The following OR56A3 variants were observed in gnomAD, a reference collection of about 807,000 sequenced individuals.
OR56A3 encodes the protein olfactory receptor family 56 subfamily A member 3.
In OR56A3, 23 loss-of-function variants were observed where a neutral mutation model predicts 17.5. That is an observed-to-expected ratio of 1.32 (90% CI 0.95 to 1.87). The LOEUF (loss-of-function observed/expected upper bound fraction) is 1.87, where lower values mean the gene tolerates loss of function less well. Ranked by LOEUF, OR56A3 falls within the 40% of genes most tolerant of loss-of-function variation. The pLI is 0.00. For synonymous variants in OR56A3, 175 were observed against 150.6 expected (o/e 1.16, Z -1.19); for missense variants, 366 against 380.1 (o/e 0.96, Z 0.31).
chr11:5,981,960 C>T, the OR56A3 span, among the ~76,000 whole-genome samples: 1 of 151,986 alleles, frequency 6.6e-6, no homozygotes, highest in East Asian at 1.9e-4. Flanking sequence ...GTTGTGTGCT[C>T]TAACCCTGAG....
the OR56A3 span, among the ~76,000 whole-genome samples, chr11:5,961,228 G>C: frequency 8.6e-5 from 13 of 151,962 alleles, no homozygotes; most frequent in African/African-American, 3.1e-4. Flanking sequence ...CCTCTTCCCC[G>C]GCCGCCACCC....
In OR56A3 at chr11:5,948,319, T is replaced by G; in HGVS notation, c.*25T>G. On this transcript the variant is annotated 3_prime_UTR_variant, in exon 3 of 3. Transcript: ENST00000641160. ...ACAAGGACCACTGGATCTCTGAATA[T>G]CTAAAATAAGATAATTTATTAATCA... 6 of 1,482,302 alleles carry G rather than the reference T, an allele frequency of 4.0e-6. No homozygotes were observed. Among genetic ancestry groups the G allele is most frequent in the Non-Finnish European group, 5.6e-6 (6 of 1,069,800 alleles). 91.8% of individuals were successfully genotyped at this position (1,482,302 alleles called of 1,614,324 possible).
chr11:5,991,099 G>A, the OR56A3 span, among the ~76,000 whole-genome samples: 6 of 152,188 alleles, frequency 3.9e-5, no homozygotes, highest in African/African-American at 1.4e-4. Flanking sequence ...ATATCAAAGA[G>A]GACATCAAAT....
chr11:5,995,887 C>T, the OR56A3 span, among the ~76,000 whole-genome samples: 2 of 152,152 alleles, frequency 1.3e-5, no homozygotes, highest in Non-Finnish European at 2.9e-5. Flanking sequence ...ATCTCTCAAT[C>T]CCTCCCTCCC....
chr11:5,990,624 A>T, the OR56A3 span, among the ~76,000 whole-genome samples: 2 of 152,138 alleles, frequency 1.3e-5, no homozygotes, highest in Non-Finnish European at 2.9e-5. Flanking sequence ...AGGGTAAAAA[A>T]GAAGAGGCAA....
At chr11:5,967,946 A>C in the OR56A3 span, 3 of 1,595,320 alleles carry the variant, frequency 1.9e-6, no homozygotes, top group Non-Finnish European at 2.6e-6. Flanking sequence ...CAGACACGTT[A>C]GTACAGATGC....
At chr11:5,990,047 A>G in the OR56A3 span, among the ~76,000 whole-genome samples, 14 of 152,282 alleles carry the variant, frequency 9.2e-5, no homozygotes, top group African/African-American at 3.1e-4. Context: ...TTTCTTTCCT[A>G]TTGTAATGCC....
the OR56A3 span, among the ~76,000 whole-genome samples, chr11:6,017,773 CTGA>C: frequency 6.6e-6 from 1 of 152,184 alleles, no homozygotes; most frequent in South Asian, 2.1e-4. Context: ...TGTAGACTGG[CTGA>C]TAAGATTTTT....
At chr11:5,954,310 C>G (rs1017140279), downstream of OR56A3, among the ~76,000 whole-genome samples, 2 of 152,092 alleles carry the variant, frequency 1.3e-5, no homozygotes, top group Non-Finnish European at 2.9e-5. Flanking sequence ...GAGGAAAAAT[C>G]AAATGTACCT....
chr11:5,998,819 C>T, the OR56A3 span, among the ~76,000 whole-genome samples: 4 of 152,290 alleles, frequency 2.6e-5, no homozygotes, highest in East Asian at 1.9e-4. Flanking sequence ...TCATGAATTA[C>T]GAAGATAATT....
chr11:5,973,656 G>A, the OR56A3 span, among the ~76,000 whole-genome samples: 3 of 151,884 alleles, frequency 2.0e-5, no homozygotes, highest in South Asian at 2.1e-4. Flanking sequence ...CAGAGAAGAC[G>A]AACAGTTGGG....
downstream of OR56A3, among the ~76,000 whole-genome samples, chr11:5,952,902 G>A (rs945530579): frequency 2.6e-5 from 4 of 152,178 alleles, no homozygotes; most frequent in Admixed American, 6.5e-5. Context: ...AAAGCATGCA[G>A]TATTAGGTTT....
the OR56A3 span, among the ~76,000 whole-genome samples, chr11:5,971,395 T>C: frequency 1.3e-5 from 2 of 152,244 alleles, no homozygotes; most frequent in Admixed American, 1.3e-4. Flanking sequence ...TAACTTGTGC[T>C]TTTTCCTGCC....
chr11:6,009,708 T>TGTCTTTG, the OR56A3 span, among the ~76,000 whole-genome samples: 3 of 152,316 alleles, frequency 2.0e-5, no homozygotes, highest in East Asian at 5.8e-4. Context: ...TTTGGGGTTT[T>TGTCTTTG]GGATGTTAGT....
At chr11:5,996,578 T>C in the OR56A3 span, among the ~76,000 whole-genome samples, 1 of 151,872 alleles carries the variant, frequency 6.6e-6, no homozygotes, top group Non-Finnish European at 1.5e-5. Context: ...CCTCCAAATG[T>C]GGTAATAAGA....
At chr11:5,971,612 G>T in the OR56A3 span, among the ~76,000 whole-genome samples, 1 of 152,202 alleles carries the variant, frequency 6.6e-6, no homozygotes, top group Non-Finnish European at 1.5e-5. Context: ...AGAAAAAGCG[G>T]TTAGATACCT....
the OR56A3 span, chr11:6,020,626 G>A: frequency 1.3e-5 from 2 of 152,030 alleles, no homozygotes; most frequent in African/African-American, 4.8e-5. Context: ...TTGTTGTTAT[G>A]TAGGAATGCT....
the OR56A3 span, among the ~76,000 whole-genome samples, chr11:5,978,594 A>G: frequency 6.6e-6 from 1 of 152,034 alleles, no homozygotes; most frequent in South Asian, 2.1e-4. Context: ...GTTTTTTTTA[A>G]TCAGATTTAG....
the OR56A3 span, chr11:5,967,305 C>T: frequency 1.4e-5 from 6 of 439,278 alleles, no homozygotes; most frequent in Middle Eastern, 5.7e-4. Flanking sequence ...CTTGTCAATT[C>T]GTACTCACAT....
Sources: allele counts gnomAD v4.1 joint callset (sites outside exome capture counted in the v4.1 genomes callset), GRCh38; gene constraint gnomAD v4.1.1; transcripts MANE v1.5; gene names NCBI Gene and HGNC (gene_info 2026-07-23, HGNC 2026-07-21).